The following MAGI2 variants were observed in gnomAD, a reference collection of about 807,000 sequenced individuals.
MAGI2 encodes membrane associated guanylate kinase, WW and PDZ domain containing 2.
Under a neutral mutation model 133.3 loss-of-function variants are expected in MAGI2, and 35 were observed. The observed-to-expected ratio is 0.26, with a 90% CI of 0.20 to 0.35. The LOEUF is 0.35. Among genes scored for constraint, MAGI2 ranks in the 10% least tolerant of loss-of-function variants. The probability of loss-of-function intolerance (pLI) is 1.00; values close to 1 mark genes in which losing one functional copy is unlikely to be tolerated. For synonymous variants in MAGI2, 729 were observed against 710.6 expected (o/e 1.03, Z -0.41); for missense variants, 1,636 against 1,863.4 (o/e 0.88, Z 2.25).
chr7:79,126,924 A>G (rs566539858), intron 1 of MAGI2, among the ~76,000 whole-genome samples: 26 of 151,932 alleles, frequency 1.7e-4, no homozygotes, highest in African/African-American at 5.3e-4. Context: ...AGCATTAGGT[A>G]TATCTCCTAA....
chr7:78,025,684 G>A (rs1808838648), intron 21 of MAGI2, among the ~76,000 whole-genome samples: 2 of 152,204 alleles, frequency 1.3e-5, no homozygotes, highest in Non-Finnish European at 2.9e-5. Context: ...GATGATGGTG[G>A]TGAAATGGTA....
chr7:78,493,274 AAGC>A (rs1300416325), intron 5 of MAGI2, among the ~76,000 whole-genome samples: 1 of 152,222 alleles, frequency 6.6e-6, no homozygotes, highest in African/African-American at 2.4e-5. Context: ...AAACTGACAG[AAGC>A]AGCAGGTTAA....
chr7:78,902,712 G>A (rs981946566), intron 2 of MAGI2: 1 of 152,142 alleles, frequency 6.6e-6, no homozygotes, highest in Non-Finnish European at 1.5e-5. Context: ...TTACCTGGCA[G>A]GGATATATCC....
intron 2 of MAGI2, among the ~76,000 whole-genome samples, chr7:78,849,108 T>C (rs888151243): frequency 6.6e-6 from 1 of 152,096 alleles, no homozygotes; most frequent in Non-Finnish European, 1.5e-5. Context: ...TAATTTAGTG[T>C]TATTAATATT....
At chr7:78,673,139 A>G (rs995959160) in intron 2 of MAGI2, among the ~76,000 whole-genome samples, 2 of 152,052 alleles carry the variant, frequency 1.3e-5, no homozygotes, top group Admixed American at 1.3e-4. Context: ...TATGTTTCTT[A>G]TTTCATTCCT....
At chr7:78,530,078 C>T (rs1240866014) in intron 3 of MAGI2, among the ~76,000 whole-genome samples, 4 of 152,130 alleles carry the variant, frequency 2.6e-5, no homozygotes, top group Non-Finnish European at 5.9e-5. Context: ...AGCACAGCCT[C>T]AGATAATCCC....
At chr7:79,126,563 T>C (rs1820423284) in intron 1 of MAGI2, among the ~76,000 whole-genome samples, 1 of 152,038 alleles carries the variant, frequency 6.6e-6, no homozygotes, top group East Asian at 1.9e-4. Flanking sequence ...ACAGTATCAG[T>C]CCTGGATCTA....
At chr7:79,118,795 C>T (rs979678882) in intron 1 of MAGI2, among the ~76,000 whole-genome samples, 1 of 152,126 alleles carries the variant, frequency 6.6e-6, no homozygotes, top group African/African-American at 2.4e-5. Flanking sequence ...TGACTACTCC[C>T]CCAAGCAGCT....
intron 1 of MAGI2, among the ~76,000 whole-genome samples, chr7:79,049,127 C>T (rs1252450606): frequency 6.6e-6 from 1 of 151,996 alleles, no homozygotes; most frequent in Non-Finnish European, 1.5e-5. Flanking sequence ...TTTAATGTTA[C>T]TCATCCACAA....
At chr7:79,242,673 A>G (rs1199238859) in intron 1 of MAGI2, among the ~76,000 whole-genome samples, 2 of 152,180 alleles carry the variant, frequency 1.3e-5, no homozygotes, top group Non-Finnish European at 2.9e-5. Context: ...TATATTAGTC[A>G]TGGTTTCCAT....
intron 2 of MAGI2, among the ~76,000 whole-genome samples, chr7:78,990,909 C>CACACAG (rs1444693394): frequency 7.5e-6 from 1 of 133,142 alleles, no homozygotes; most frequent in Non-Finnish European, 1.5e-5. Context: ...TGTACATACA[C>CACACAG]ACACACACAC....
At chr7:78,809,786 T>C (rs540846927) in intron 2 of MAGI2, among the ~76,000 whole-genome samples, 4 of 152,152 alleles carry the variant, frequency 2.6e-5, no homozygotes, top group Admixed American at 1.3e-4. Flanking sequence ...ATTTCCAGAA[T>C]AATCATGTAC....
At chr7:78,585,257 C>T (rs995619372) in intron 3 of MAGI2, among the ~76,000 whole-genome samples, 8 of 152,176 alleles carry the variant, frequency 5.3e-5, no homozygotes, top group Non-Finnish European at 1.0e-4. Flanking sequence ...TGAAAAGGTG[C>T]TCTCACTAAA....
intron 2 of MAGI2, among the ~76,000 whole-genome samples, chr7:78,846,046 C>T (rs1226500592): frequency 6.6e-6 from 1 of 151,836 alleles, no homozygotes; most frequent in Non-Finnish European, 1.5e-5. Flanking sequence ...ATTTACTATT[C>T]AGTACTTTTT....
intron 2 of MAGI2, among the ~76,000 whole-genome samples, chr7:78,951,883 A>C (rs1801901856): frequency 6.6e-6 from 1 of 152,148 alleles, no homozygotes; most frequent in African/African-American, 2.4e-5. Context: ...CTCTACACTG[A>C]TTAGGGACCT....
intron 2 of MAGI2, among the ~76,000 whole-genome samples, chr7:78,785,336 TA>T: frequency 6.6e-6 from 1 of 152,368 alleles, no homozygotes; most frequent in South Asian, 2.1e-4. Flanking sequence ...TGGATCATTT[TA>T]TTTTAGAAAC....
At chr7:78,669,447 A>G (rs1458252224) in intron 2 of MAGI2, among the ~76,000 whole-genome samples, 1 of 152,158 alleles carries the variant, frequency 6.6e-6, no homozygotes, top group Non-Finnish European at 1.5e-5. Context: ...CCAGCCAAAA[A>G]GAGTCCAGGA....
At chr7:78,392,380 T>C (rs192985020) in intron 6 of MAGI2, among the ~76,000 whole-genome samples, 5 of 152,134 alleles carry the variant, frequency 3.3e-5, no homozygotes, top group East Asian at 1.9e-4. Flanking sequence ...GTGTGTGAGA[T>C]AGAGAGATAC....
intron 2 of MAGI2, among the ~76,000 whole-genome samples, chr7:78,984,500 T>C (rs1475713735): frequency 6.6e-6 from 1 of 151,954 alleles, no homozygotes; most frequent in African/African-American, 2.4e-5. Context: ...TCTGGCCTCC[T>C]GTCTATTGTT....
Sources: allele counts gnomAD v4.1 joint callset (sites outside exome capture counted in the v4.1 genomes callset), GRCh38; gene constraint gnomAD v4.1.1; transcripts MANE v1.5; gene names NCBI Gene and HGNC (gene_info 2026-07-23, HGNC 2026-07-21).